Variants in STOX1 observed in about 807,000 individuals in gnomAD.
STOX1 encodes the protein storkhead box 1.
A neutral mutation model predicts 74.8 loss-of-function variants in STOX1; 57 were observed. That is an observed-to-expected ratio of 0.76 (90% CI 0.62 to 0.95). STOX1 has a LOEUF of 0.95. Ranked by LOEUF, STOX1 falls within the 40% of genes least tolerant of loss-of-function variation. The probability of loss-of-function intolerance (pLI) is 0.00; values close to 1 mark genes in which losing one functional copy is unlikely to be tolerated. For synonymous variants in STOX1, 375 were observed against 401.3 expected (o/e 0.93, Z 0.78); for missense variants, 1,010 against 1,117.0 (o/e 0.90, Z 1.37).
At chr10:68,868,682 CAAAAA>C (rs1046595078) in intron 1 of STOX1, among the ~76,000 whole-genome samples, 11 of 152,072 alleles carry the variant, frequency 7.2e-5, no homozygotes, top group African/African-American at 2.7e-4. Context: ...AACTCCATCT[CAAAAA>C]AAGAAAAGTC....
Position 68,884,626 on chromosome 10 carries a change from C to T in STOX1, c.830C>T (p.Ser277Phe), listed in dbSNP as rs369272078. 1 of 1,613,904 alleles carries T rather than the reference C, an allele frequency of 6.2e-7. No individual in the cohort carries two copies. Among genetic ancestry groups the T allele is most frequent in the African/African-American group, 1.3e-5 (1 of 74,940 alleles). ...KSHRGLGESVSWVQNGAVSVS... is the reference protein window; with the variant it reads ...KSHRGLGESVFWVQNGAVSVS... ...CACAGAGGTCTTGGGGAATCCGTAT[C>T]TTGGGTACAGAATGGGGCAGTTTCA... Residue 277 changes from serine to phenylalanine, a missense_variant, in exon 3 of 4, where the codon TCT becomes TTT. Transcript: ENST00000298596.
intron 1 of STOX1, among the ~76,000 whole-genome samples, chr10:68,835,367 A>G (rs1220587408): frequency 6.6e-6 from 1 of 151,808 alleles, no homozygotes; most frequent in Admixed American, 6.6e-5. Flanking sequence ...TTTTAGATAG[A>G]GGGTTTCACT....
chr10:68,833,142 GT>G (rs1839454853), intron 1 of STOX1, among the ~76,000 whole-genome samples: 1 of 146,632 alleles, frequency 6.8e-6, no homozygotes, highest in Non-Finnish European at 1.5e-5. Flanking sequence ...CTGGAGTGCA[GT>G]GGTGTGATCT....
At chr10:68,872,342 CTTTTTTTTTT>C (rs72451894) in intron 1 of STOX1, among the ~76,000 whole-genome samples, 2 of 89,326 alleles carry the variant, frequency 2.2e-5, no homozygotes, top group Admixed American at 1.3e-4. Context: ...TTTTTCTTTT[CTTTTTTTTTT>C]TTTTTTTTTT....
At chr10:68,873,122 A>G (rs188800964) in intron 1 of STOX1, among the ~76,000 whole-genome samples, 15 of 152,226 alleles carry the variant, frequency 9.9e-5, no homozygotes, top group Admixed American at 2.0e-4. Flanking sequence ...CAATCCTCCA[A>G]GCCTTGCCTG....
intron 3 of STOX1, among the ~76,000 whole-genome samples, chr10:68,887,891 G>A (rs1841002907): frequency 2.0e-5 from 3 of 151,914 alleles, no homozygotes; most frequent in African/African-American, 4.8e-5. Context: ...TGCCATGCCC[G>A]GCCTCCACTA....
chr10:68,831,896 C>T lies in STOX1; in HGVS notation c.310+3963C>T, dbSNP rs1168746640. The stretch of plus-strand genomic sequence containing the variant: ...AAGGGGCTAACTCTGTTTTTGTGCT[C>T]CAGTCCTCAAATGTTGTATTTTCTT... On this transcript the variant is annotated intron_variant, in intron 1 of 3. Coordinates refer to ENST00000298596, the MANE Select transcript of STOX1 (RefSeq NM_152709.5). Among the ~76,000 whole-genome samples, 3 of 151,662 alleles carry T rather than the reference C, an allele frequency of 2.0e-5. No individual in the cohort carries two copies. The Admixed American group carries it at 2.0e-4, about 10-fold the overall frequency.
chr10:68,837,967 A>G (rs961841620), intron 1 of STOX1, among the ~76,000 whole-genome samples: 2 of 151,752 alleles, frequency 1.3e-5, no homozygotes, highest in African/African-American at 4.8e-5. Flanking sequence ...AGTTTTCAGT[A>G]TGCCTGTCTT....
chr10:68,880,728 C>T (rs1840796469), intron 1 of STOX1, among the ~76,000 whole-genome samples: 1 of 151,860 alleles, frequency 6.6e-6, no homozygotes, highest in East Asian at 1.9e-4. Flanking sequence ...TGCCTAGGCT[C>T]ACTCACTAGG....
chr10:68,891,442 G>A (rs1841094700), intron 3 of STOX1, among the ~76,000 whole-genome samples: 1 of 152,162 alleles, frequency 6.6e-6, no homozygotes, highest in Admixed American at 6.6e-5. Context: ...GACGAAATAT[G>A]TTTGAGATAT....
At chr10:68,859,640 G>A (rs1006021951) in intron 1 of STOX1, among the ~76,000 whole-genome samples, 1 of 152,100 alleles carries the variant, frequency 6.6e-6, no homozygotes, top group African/African-American at 2.4e-5. Context: ...AAAAAATGAG[G>A]AGGCAATAAA....
intron 1 of STOX1, among the ~76,000 whole-genome samples, chr10:68,863,135 T>A (rs1357336321): frequency 6.6e-6 from 1 of 152,098 alleles, no homozygotes; most frequent in Non-Finnish European, 1.5e-5. Flanking sequence ...GGGCCTTTAT[T>A]ATCTGTAGGA....
intron 1 of STOX1, among the ~76,000 whole-genome samples, chr10:68,850,990 C>A (rs530677794): frequency 2.6e-5 from 4 of 151,014 alleles, no homozygotes; most frequent in African/African-American, 7.3e-5. Flanking sequence ...AATTAAAAAA[C>A]CAGCAAAAAG....
chr10:68,887,036 C>G (rs1279843860), intron 3 of STOX1, among the ~76,000 whole-genome samples: 1 of 152,122 alleles, frequency 6.6e-6, no homozygotes, highest in East Asian at 1.9e-4. Context: ...TATAATGATA[C>G]AATTCTGCCA....
chr10:68,843,574 C>T (rs1002134700), intron 1 of STOX1, among the ~76,000 whole-genome samples: 14 of 151,902 alleles, frequency 9.2e-5, no homozygotes, highest in African/African-American at 3.1e-4. Context: ...GAATTTCACT[C>T]TTGTTGCCCT....
rs921782469 is a variant in STOX1 at position 68,884,682 on chromosome 10, A to G, written c.886A>G (p.Thr296Ala). ...TGCGGAGCACCACATTTGTGAGAGC[A>G]CCAAACCTTTACCATACACAAGAGA... ...VSAEHHICES[T>A]KPLPYTRDKE... Residue 296 changes from threonine to alanine, a missense_variant, in exon 3 of 4, where the codon ACC becomes GCC. Physicochemically the swap from Thr to Ala is moderately conservative, Grantham distance 58. Transcript: ENST00000298596. 8 of 1,614,108 alleles carry G rather than the reference A, an allele frequency of 5.0e-6. No homozygotes were observed. The Middle Eastern group carries it at 8.2e-4, about 166-fold the overall frequency.
chr10:68,829,582 CAG>C (rs1406865758), intron 1 of STOX1, among the ~76,000 whole-genome samples: 1 of 152,076 alleles, frequency 6.6e-6, no homozygotes, highest in Non-Finnish European at 1.5e-5. Context: ...GATTTGAAAA[CAG>C]GGCAGCAAGA....
intron 1 of STOX1, among the ~76,000 whole-genome samples, chr10:68,851,317 GAAAA>G (rs1018218094): frequency 7.0e-6 from 1 of 143,160 alleles, no homozygotes; most frequent in Non-Finnish European, 1.5e-5. Context: ...AAAAAAAAAA[GAAAA>G]AAGAGTGGAG....
At chr10:68,883,851 A>G (rs1840870755) in intron 2 of STOX1, among the ~76,000 whole-genome samples, 1 of 145,156 alleles carries the variant, frequency 6.9e-6, no homozygotes, top group Admixed American at 7.0e-5. Context: ...GCAGCCTTGA[A>G]CTCCTGAGCT....
Sources: allele counts gnomAD v4.1 joint callset (sites outside exome capture counted in the v4.1 genomes callset), GRCh38; gene constraint gnomAD v4.1.1; transcripts MANE v1.5; gene names NCBI Gene and HGNC (gene_info 2026-07-23, HGNC 2026-07-21).